Variants in MACO1 observed in about 807,000 individuals in gnomAD.
MACO1 encodes the protein macoilin.
Under a neutral mutation model 78.7 loss-of-function variants are expected in MACO1, and 14 were observed. That is an observed-to-expected ratio of 0.18 (90% confidence interval 0.12 to 0.28). MACO1 has a LOEUF of 0.28. MACO1 is among the 10% of genes least tolerant of loss of function. The pLI is 1.00. For synonymous variants in MACO1, 288 were observed against 291.6 expected (o/e 0.99, Z 0.12); for missense variants, 501 against 799.0 (o/e 0.63, Z 4.50).
At chr1:25,455,117 C>CATATA (rs2043108456) in intron 4 of MACO1, among the ~76,000 whole-genome samples, 1 of 152,046 alleles carries the variant, frequency 6.6e-6, no homozygotes, top group Non-Finnish European at 1.5e-5. Flanking sequence ...GTAATGATTC[C>CATATA]AGAAGGTCTT....
chr1:25,472,371 C>T (rs1378954022), intron 6 of MACO1, among the ~76,000 whole-genome samples: 1 of 151,988 alleles, frequency 6.6e-6, no homozygotes, highest in Admixed American at 6.6e-5. Context: ...CCTAGCCCCC[C>T]ACCCCTCAAC....
intron 6 of MACO1, among the ~76,000 whole-genome samples, chr1:25,466,648 C>G (rs1236478078): frequency 1.3e-5 from 2 of 152,134 alleles, no homozygotes; most frequent in East Asian, 3.8e-4. Flanking sequence ...TGTTTGTTTT[C>G]TTATTGTTGA....
intron 6 of MACO1, among the ~76,000 whole-genome samples, chr1:25,482,234 TA>T (rs1557673968): frequency 6.6e-6 from 1 of 152,206 alleles, no homozygotes; most frequent in East Asian, 1.9e-4. Context: ...AAGCCTCTTC[TA>T]AATAAATATT....
At position 25,485,655 on chromosome 1, in the gene MACO1, T is replaced by C; in HGVS notation, c.1356T>C (p.Asn452=). 4 of 1,614,130 alleles carry C rather than the reference T, an allele frequency of 2.5e-6. No individual in the cohort carries two copies. The highest frequency in any genetic ancestry group is 2.5e-6 in the Non-Finnish European group (3 of 1,180,032). Residue 452 remains asparagine, a synonymous_variant, in exon 8 of 11, where the codon AAT becomes AAC. Coordinates refer to ENST00000374343, the MANE Select transcript of MACO1 (RefSeq NM_018202.6). This position sits in a 1 kb window ranked among gnomAD's most constrained non-coding sequence, Gnocchi z 4.3. The part of the protein sequence containing the change: ...AVQMKQKDKQ[N]ISQLEKKLKA... ...AAATGAAGCAAAAAGACAAGCAGAA[T>C]ATCAGCCAGTTGGAGAAAAAGCTAA...
chr1:25,480,927 AAAATATATATATATATATAT>A (rs1273703679), intron 6 of MACO1, among the ~76,000 whole-genome samples: 10 of 29,912 alleles, frequency 3.3e-4, no homozygotes, highest in Middle Eastern at 0.01. Flanking sequence ...AAAAAAAAAA[AAAATATATATATATATATAT>A]ATATATATAT....
chr1:25,457,988 C>G (rs896311023), intron 5 of MACO1, among the ~76,000 whole-genome samples: 1 of 152,074 alleles, frequency 6.6e-6, no homozygotes, highest in Admixed American at 6.6e-5. Flanking sequence ...ATTAACAGTT[C>G]GTTTACTCCA....
chr1:25,479,902 T>C (rs1172168705), intron 6 of MACO1, among the ~76,000 whole-genome samples: 1 of 152,138 alleles, frequency 6.6e-6, no homozygotes, highest in African/African-American at 2.4e-5. Context: ...TGTGGTACTC[T>C]CTCACCAATA....
chr1:25,480,584 G>A (rs1216397613), intron 6 of MACO1, among the ~76,000 whole-genome samples: 2 of 151,790 alleles, frequency 1.3e-5, no homozygotes, highest in Non-Finnish European at 2.9e-5. Flanking sequence ...TTGTTGTATT[G>A]TGCCACTGTT....
intron 1 of MACO1, 26 bp downstream of exon 1, chr1:25,431,204 G>A (rs768691027): frequency 4.0e-5 from 63 of 1,568,466 alleles, no homozygotes; most frequent in Admixed American, 5.6e-5. Context: ...CCCACTCCGC[G>A]GGCGCGGGCC....
chr1:25,438,335 GTAA>G (rs1319626110), intron 1 of MACO1, among the ~76,000 whole-genome samples: 1 of 152,206 alleles, frequency 6.6e-6, no homozygotes, highest in Non-Finnish European at 1.5e-5. Flanking sequence ...ATAATTGATA[GTAA>G]TAATCTGCTT....
At position 25,486,820 on chromosome 1, in the gene MACO1, A is replaced by AC. The variant is rs1199797999; in HGVS notation, c.1496+1025_1496+1026insC. 7.2e-5 allele frequency among the ~76,000 whole-genome samples: 11 copies of AC among 152,316 alleles called. No homozygotes were observed. The South Asian group carries it at 2.3e-3, about 32-fold the overall frequency. ...TGGCTTGGCCCATCAGCATCTATAC[A>AC]GACTTACAAGGCCCTTGACTAGCCT... On this transcript the variant is annotated intron_variant, in intron 8 of 10. Transcript: ENST00000374343.
intron 6 of MACO1, among the ~76,000 whole-genome samples, chr1:25,463,446 C>CAGGGTT (rs1289063302): frequency 2.0e-5 from 3 of 152,182 alleles, no homozygotes; most frequent in Non-Finnish European, 4.4e-5. Context: ...AAACATATAC[C>CAGGGTT]TTACAAAATG....
intron 3 of MACO1, 28 bp from the exon 4 acceptor site, chr1:25,454,231 T>C (rs759230919): frequency 4.5e-6 from 7 of 1,552,922 alleles, no homozygotes; most frequent in Non-Finnish European, 6.1e-6. Context: ...CGTTTATTAA[T>C]GCTTGCCTCT....
At chr1:25,456,611 A>G in intron 4 of MACO1, 42 bp from the exon 5 acceptor site, 1 of 1,595,954 alleles carries the variant, frequency 6.3e-7, no homozygotes, top group South Asian at 1.1e-5. Context: ...CATGTGGTTC[A>G]TTTTAAACCT....
intron 6 of MACO1, among the ~76,000 whole-genome samples, chr1:25,465,546 T>C (rs1482306618): frequency 1.3e-5 from 2 of 152,248 alleles, no homozygotes; most frequent in Non-Finnish European, 2.9e-5. Context: ...ACATATGATA[T>C]GATGTTACAT....
intron 1 of MACO1, among the ~76,000 whole-genome samples, chr1:25,440,075 A>G (rs1055987998): frequency 1.7e-4 from 26 of 151,736 alleles, no homozygotes; most frequent in Non-Finnish European, 3.5e-4. Flanking sequence ...GATTATATCT[A>G]TCAATATTTA....
At chr1:25,436,225 C>A (rs972213917) in intron 1 of MACO1, among the ~76,000 whole-genome samples, 2 of 152,100 alleles carry the variant, frequency 1.3e-5, no homozygotes, top group Non-Finnish European at 2.9e-5. Context: ...GTTCTGTAAG[C>A]ATTTATGTTC....
chr1:25,454,468 G>GTA (rs1331624529), intron 4 of MACO1, 86 bp downstream of exon 4: 18 of 153,042 alleles, frequency 1.2e-4, no homozygotes, highest in East Asian at 8.5e-4. Flanking sequence ...GTGTGTGTGT[G>GTA]TGTATATATA....
chr1:25,494,690 A>T (rs977687731), intron 10 of MACO1, among the ~76,000 whole-genome samples: 1 of 152,192 alleles, frequency 6.6e-6, no homozygotes, highest in Non-Finnish European at 1.5e-5. Context: ...GACGGGCCAG[A>T]CAGGTGAGTG....
Sources: gnomAD v4.1 joint callset for allele counts (sites outside exome capture counted in the v4.1 genomes callset) on GRCh38, gnomAD v4.1.1 for gene constraint, Gnocchi (gnomAD v3.1) non-coding constraint, MANE v1.5 for transcripts, NCBI Gene and HGNC (gene_info 2026-07-23, HGNC 2026-07-21) for gene names.